The following RAPGEF4 variants were observed in gnomAD, a reference collection of about 807,000 sequenced individuals.
RAPGEF4 encodes Rap guanine nucleotide exchange factor 4.
RAPGEF4 carries 66 observed loss-of-function variants against 147.9 expected under a neutral mutation model. The observed-to-expected ratio is 0.45, with a 90% confidence interval of 0.37 to 0.55. The LOEUF (loss-of-function observed/expected upper bound fraction) is 0.55. Ranked by LOEUF, RAPGEF4 falls within the 20% of genes least tolerant of loss-of-function variation. RAPGEF4 has a pLI of 0.00. For synonymous variants in RAPGEF4, 419 were observed against 442.7 expected, an observed-to-expected ratio of 0.95 and a Z score of 0.67; for missense variants, 1,071 against 1,257.3, an observed-to-expected ratio of 0.85 and a Z score of 2.24.
At chr2:172,890,694 A>G (rs1697802847) in intron 4 of RAPGEF4, among the ~76,000 whole-genome samples, 1 of 152,254 alleles carries the variant, frequency 6.6e-6, no homozygotes, top group Non-Finnish European at 1.5e-5. Context: ...GGAGGGAACC[A>G]TTGAGAATAC....
chr2:173,020,751 A>G, intron 23 of RAPGEF4, 36 bp downstream of exon 23: 1 of 1,546,612 alleles, frequency 6.5e-7, no homozygotes, highest in Non-Finnish European at 8.8e-7. Context: ...CAGCATTGCA[A>G]TCAGAAAAAC....
At chr2:172,917,424 C>G (rs1684184474) in intron 4 of RAPGEF4, 3 of 519,142 alleles carry the variant, frequency 5.8e-6, no homozygotes, top group Non-Finnish European at 1.1e-5. Context: ...GTAGGCAGCA[C>G]ATTTATTTGT....
Position 173,016,411 on chromosome 2 carries a change from AGAGTTG to A in RAPGEF4, c.1876_1881del (p.Leu626_Glu627del), listed in dbSNP as rs745596059. 1 of 1,612,898 alleles carries A rather than the reference AGAGTTG, an allele frequency of 6.2e-7. No homozygotes were observed. Among genetic ancestry groups the A allele is most frequent in the South Asian group, 1.1e-5 (1 of 91,056 alleles). ...TTGCTGCCCTCAAGGAGCAACTGCCAGAGTTGGAGAAGATTGTCAAGCAAATGTAAG... is the reference window on the plus strand; with the variant it reads ...TTGCTGCCCTCAAGGAGCAACTGCCAGAGAAGATTGTCAAGCAAATGTAAG... On this transcript the variant is annotated inframe_deletion, in exon 19 of 31. Transcript: ENST00000397081.
At chr2:172,902,189 G>A (rs570986641) in intron 4 of RAPGEF4, among the ~76,000 whole-genome samples, 34 of 152,290 alleles carry the variant, frequency 2.2e-4, no homozygotes, top group African/African-American at 7.7e-4. Flanking sequence ...TGGGGGCTGA[G>A]GCTGGAGGGA....
intron 6 of RAPGEF4, among the ~76,000 whole-genome samples, chr2:172,949,598 T>C (rs1688014508): frequency 6.6e-6 from 1 of 152,252 alleles, no homozygotes; most frequent in Non-Finnish European, 1.5e-5. Flanking sequence ...AAGCAGTTTC[T>C]ATAGCTTCTC....
At chr2:172,940,659 G>T (rs561335421) in intron 6 of RAPGEF4, among the ~76,000 whole-genome samples, 3 of 152,182 alleles carry the variant, frequency 2.0e-5, no homozygotes, top group South Asian at 4.2e-4. Flanking sequence ...CCCAGTATCA[G>T]GTATTTCTTT....
Position 173,017,045 on chromosome 2 carries a change from C to T in RAPGEF4, c.1899-129C>T, listed in dbSNP as rs12463742. On this transcript the variant is annotated intron_variant, in intron 19 of 30. Transcript: ENST00000397081. ...ATCTATTACTATTAAAATGAGGAAG[C>T]TCATATTGTCTCCTGAAAGGATTCT... is the stretch of plus-strand genomic sequence containing the variant. 18 of 843,628 alleles carry T rather than the reference C, an allele frequency of 2.1e-5. No individual in the cohort carries two copies. The Admixed American group carries it at 3.8e-4, about 18-fold the overall frequency. The allele number at this position is 843,628 out of a possible 1,614,324, so 52.3% of individuals were successfully genotyped here. A position where few individuals can be genotyped will look rare whatever the true frequency, so the allele number is the denominator to read the frequency against.
chr2:172,793,859 G>C (rs981513742), intron 1 of RAPGEF4, among the ~76,000 whole-genome samples: 2 of 152,088 alleles, frequency 1.3e-5, no homozygotes, highest in African/African-American at 4.8e-5. Flanking sequence ...GAACAGACTG[G>C]GCATGGTGGC....
At chr2:172,759,491 A>G (rs946134563) in intron 1 of RAPGEF4, among the ~76,000 whole-genome samples, 4 of 152,198 alleles carry the variant, frequency 2.6e-5, no homozygotes, top group African/African-American at 9.6e-5. Flanking sequence ...CAGAGAGTCA[A>G]CATCACTGTG....
intron 5 of RAPGEF4, among the ~76,000 whole-genome samples, chr2:172,921,052 C>T (rs917321365): frequency 6.6e-6 from 1 of 152,102 alleles, no homozygotes; most frequent in African/African-American, 2.4e-5. Flanking sequence ...CTCACCCCTC[C>T]TGCATTCTGT....
rs1689259227 is a variant in RAPGEF4 at position 172,961,248 on chromosome 2, A to C, written c.698+20A>C. 6.6e-7 allele frequency: 1 copy of C among 1,516,292 alleles called. No individual in the cohort carries two copies. 93.9% of individuals were successfully genotyped at this position (1,516,292 alleles called of 1,614,324 possible). ...ATACAGGTATGTGTGCTAATTCTAAAGGCTGTGCCCCGCTCATATTCATGT... is the reference window on the plus strand; with the variant it reads ...ATACAGGTATGTGTGCTAATTCTAACGGCTGTGCCCCGCTCATATTCATGT... On this transcript the variant is annotated intron_variant, in intron 8 of 30. Transcript: ENST00000397081.
intron 17 of RAPGEF4, among the ~76,000 whole-genome samples, chr2:173,009,588 C>CA (rs151209113): frequency 2.6e-4 from 39 of 149,534 alleles, no homozygotes; most frequent in African/African-American, 5.6e-4. Context: ...TTCCAAAATC[C>CA]AAAAAAAAAA....
intron 26 of RAPGEF4, among the ~76,000 whole-genome samples, chr2:173,031,368 G>A (rs1697176810): frequency 6.6e-6 from 1 of 152,212 alleles, no homozygotes; most frequent in African/African-American, 2.4e-5. Context: ...GTGCTGCCAA[G>A]AGATCTAAGC....
intron 17 of RAPGEF4, among the ~76,000 whole-genome samples, chr2:173,010,906 C>T (rs1469823919): frequency 6.6e-6 from 1 of 152,182 alleles, no homozygotes; most frequent in Non-Finnish European, 1.5e-5. Flanking sequence ...GTATCACCCC[C>T]ACCCTCACTT....
intron 4 of RAPGEF4, among the ~76,000 whole-genome samples, chr2:172,886,570 AT>A (rs1012643559): frequency 4.6e-5 from 7 of 152,266 alleles, no homozygotes; most frequent in African/African-American, 1.7e-4. Context: ...TGTCTTGAGA[AT>A]TTTATGTGTT....
At chr2:172,896,212 A>G (rs1288462361) in intron 4 of RAPGEF4, among the ~76,000 whole-genome samples, 1 of 152,238 alleles carries the variant, frequency 6.6e-6, no homozygotes, top group Non-Finnish European at 1.5e-5. Context: ...TTTGATTTGA[A>G]ATGTCCTTAT....
intron 4 of RAPGEF4, among the ~76,000 whole-genome samples, chr2:172,908,005 A>G (rs1699783521): frequency 6.6e-6 from 1 of 152,222 alleles, no homozygotes; most frequent in African/African-American, 2.4e-5. Context: ...CATGTAGTGG[A>G]ATCGGAATTA....
chr2:173,024,374 C>T lies in RAPGEF4; in HGVS notation c.2254-2198C>T, dbSNP rs1034558202. On this transcript the variant is annotated intron_variant, in intron 23 of 30. Transcript: ENST00000397081. ...CTGGGACTACAGGCGCCCGCCACTA[C>T]GCCCGGCTAATTTTTTGTATTTTTA... Among the ~76,000 whole-genome samples, 5 of 149,522 alleles carry T rather than the reference C, an allele frequency of 3.3e-5. 1 individual carries two copies. The highest frequency in any genetic ancestry group is 9.7e-5 in the African/African-American group (4 of 41,062).
At chr2:172,920,268 G>A (rs532765030) in intron 5 of RAPGEF4, among the ~76,000 whole-genome samples, 53 of 151,474 alleles carry the variant, frequency 3.5e-4, no homozygotes, top group South Asian at 2.1e-3. Context: ...ACATATACAC[G>A]TCACTCCAAA....
Sources: gnomAD v4.1 joint callset for allele counts (sites outside exome capture counted in the v4.1 genomes callset) on GRCh38, gnomAD v4.1.1 for gene constraint, MANE v1.5 for transcripts, NCBI Gene and HGNC (gene_info 2026-07-23, HGNC 2026-07-21) for gene names.